The following SEPSECS variants were observed in gnomAD, a reference collection of about 807,000 sequenced individuals.
SEPSECS encodes the protein O-phosphoseryl-tRNA(Sec) selenium transferase.
In SEPSECS, 42 loss-of-function variants were observed where a neutral mutation model predicts 52.1. The observed-to-expected ratio is 0.81, with a 90% CI of 0.63 to 1.04. The LOEUF is 1.04. Ranked by LOEUF, SEPSECS falls within the 50% of genes least tolerant of loss-of-function variation. The pLI, the probability that SEPSECS is intolerant of heterozygous loss-of-function variation, is 0.00. For missense variants in SEPSECS, 590 were observed against 610.6 expected, an observed-to-expected ratio of 0.97 and a Z score of 0.36; for synonymous variants, 216 against 211.4, an observed-to-expected ratio of 1.02 and a Z score of -0.19.
rs2109022165 is a variant in SEPSECS, at chr4:25,145,035, T to G, written c.903A>C (p.Ser301=). The change falls in exon 7 of 11, where the codon TCA becomes TCC. Residue 301 remains serine (S), a synonymous_variant. Transcript: ENST00000382103. The stretch of plus-strand genomic sequence containing the variant: ...ACATCTTGCTGATTTCCTGAATGAA[T>G]GAATCATTAAAGCCAGCAATTATAG... The part of the protein sequence containing the change: ...GGAIIAGFND[S]FIQEISKMYP... 1.2e-6 allele frequency: 2 copies of G among 1,613,988 alleles called. No individual in the cohort carries two copies.
Position 25,144,776 on chromosome 4 carries a change from T to C in SEPSECS, c.1024A>G (p.Lys342Glu). The C allele has an allele frequency of 6.2e-7, 1 of 1,600,036 alleles. No homozygotes were observed. Among genetic ancestry groups the C allele is most frequent in the Non-Finnish European group, 8.6e-7 (1 of 1,167,606 alleles). Reference sequence around the variant, plus strand: ...CGACACCTAAAGGGAAAGCTTACCTTTCTTTCTTTTAGTAGCTTCTTATAG... The same window carrying C: ...CGACACCTAAAGGGAAAGCTTACCTCTCTTTCTTTTAGTAGCTTCTTATAG... ...NGYKKLLKERKEMFSYLSNQI... is the reference protein window; with the variant it reads ...NGYKKLLKEREEMFSYLSNQI... The change falls in exon 8 of 11, where the codon AAG (lysine) becomes GAG (glutamate). Residue 342 changes from lysine to glutamate, a missense_variant and splice_region_variant. Coordinates refer to ENST00000382103, the MANE Select transcript of SEPSECS (RefSeq NM_016955.4).
At chr4:25,157,003 CA>C (rs756042414) in intron 2 of SEPSECS, 29 bp from the exon 3 acceptor site, 5 of 1,114,480 alleles carry the variant, frequency 4.5e-6, no homozygotes, top group Non-Finnish European at 6.9e-6. Context: ...AAAAACTGGA[CA>C]AATACATTCA....
chr4:25,152,940 T>C (rs1355702867), intron 5 of SEPSECS, among the ~76,000 whole-genome samples: 2 of 152,006 alleles, frequency 1.3e-5, no homozygotes, highest in Non-Finnish European at 2.9e-5. Context: ...CAGGATATAC[T>C]TCAAATATAT....
chr4:25,126,570 G>A (rs1728382160), intron 9 of SEPSECS, among the ~76,000 whole-genome samples: 1 of 152,102 alleles, frequency 6.6e-6, no homozygotes, highest in South Asian at 2.1e-4. Flanking sequence ...CAATTTAAAA[G>A]GGGGTAATTA....
intron 8 of SEPSECS, among the ~76,000 whole-genome samples, chr4:25,139,443 G>A (rs1159842602): frequency 3.0e-5 from 4 of 132,698 alleles, no homozygotes; most frequent in Admixed American, 2.6e-4. Context: ...CTGGAGTGCA[G>A]TGGTGCAATC....
chr4:25,136,237 T>C (rs1240848777), intron 8 of SEPSECS, among the ~76,000 whole-genome samples: 2 of 152,150 alleles, frequency 1.3e-5, no homozygotes, highest in African/African-American at 4.8e-5. Flanking sequence ...TAAAGGGTAT[T>C]CAAATGGGAA....
intron 8 of SEPSECS, among the ~76,000 whole-genome samples, chr4:25,130,503 C>G (rs191935329): frequency 6.6e-6 from 1 of 151,898 alleles, no homozygotes; most frequent in Non-Finnish European, 1.5e-5. Context: ...TTTTAGACTA[C>G]GAGGATAACA....
chr4:25,159,395 T>C (rs1307345679), intron 1 of SEPSECS: 1 of 395,982 alleles, frequency 2.5e-6, no homozygotes, highest in East Asian at 5.4e-5. Context: ...ATACAACACA[T>C]CCCCAGTGAA....
chr4:25,123,940 A>C lies in SEPSECS; in HGVS notation c.1497T>G (p.Ala499=), dbSNP rs1446655592. ...DNVLLDTYQD[A]SS ...AGAAACCCTTCGCATGTCATGAAGA[A>C]GCATCCTGGTATGTGTCAAGAAGTA... Residue 499 remains alanine, a synonymous_variant, in exon 11 of 11, where the codon GCT becomes GCG. Coordinates refer to ENST00000382103, the MANE Select transcript of SEPSECS (RefSeq NM_016955.4). 1 of 1,613,194 alleles carries C rather than the reference A, an allele frequency of 6.2e-7. No homozygotes were observed. Among genetic ancestry groups the C allele is most frequent in the Non-Finnish European group, 8.5e-7 (1 of 1,179,204 alleles).
chr4:25,160,115 T>G (rs1309750679), intron 1 of SEPSECS, 141 bp downstream of exon 1: 4 of 1,462,674 alleles, frequency 2.7e-6, no homozygotes, highest in Non-Finnish European at 3.6e-6. Context: ...GTCGGTCAGC[T>G]AGGGCAAGCC....
At chr4:25,137,273 C>T (rs545625703) in intron 8 of SEPSECS, among the ~76,000 whole-genome samples, 5 of 152,284 alleles carry the variant, frequency 3.3e-5, no homozygotes, top group South Asian at 4.1e-4. Context: ...TCAGAGTGAA[C>T]TGACAACCTG....
chr4:25,150,932 G>A (rs1268907367), intron 6 of SEPSECS, among the ~76,000 whole-genome samples: 1 of 152,060 alleles, frequency 6.6e-6, no homozygotes, highest in African/African-American at 2.4e-5. Context: ...ACTTGAGCGT[G>A]GGAAGTTGAG....
chr4:25,132,715 A>C (rs1275480098), intron 8 of SEPSECS, among the ~76,000 whole-genome samples: 1 of 152,228 alleles, frequency 6.6e-6, no homozygotes, highest in Non-Finnish European at 1.5e-5. Flanking sequence ...AAAACCAATT[A>C]GTACATTAGA....
chr4:25,130,561 A>G (rs916666389), intron 8 of SEPSECS, among the ~76,000 whole-genome samples: 1 of 152,194 alleles, frequency 6.6e-6, no homozygotes, highest in East Asian at 1.9e-4. Flanking sequence ...AATTAGATTT[A>G]AAAAAATTTG....
intron 6 of SEPSECS, among the ~76,000 whole-genome samples, chr4:25,145,921 T>C (rs1711935486): frequency 1.3e-5 from 2 of 152,234 alleles, no homozygotes; most frequent in Admixed American, 1.3e-4. Flanking sequence ...CTAGAAGCAA[T>C]GTTTCTACAT....
chr4:25,124,215 G>C lies in SEPSECS; in HGVS notation c.1222C>G (p.Leu408Val), dbSNP rs752082832. Residue 408 changes from leucine (L) to valine (V), a missense_variant, in exon 11 of 11, where the codon CTT (leucine) becomes GTT (valine). By Grantham distance (32) the Leu-to-Val change is conservative. Transcript: ENST00000382103. ...RQVSGARVVP[L>V]GSMQTVSGYT... ...CCACTCACAGTTTGCATGGACCCAA[G>C]AGGCACAACCCTGAAAGAAGAAAGA... The C allele has an allele frequency of 3.7e-6, 6 of 1,613,156 alleles. No homozygotes were observed. In the African/African-American group the frequency reaches 8.0e-5, roughly 22 times the overall value.
At position 25,125,698 on chromosome 4, in the gene SEPSECS, C is replaced by G. The variant is rs748528815; in HGVS notation, c.1207G>C (p.Ala403Pro). ...ATCTATCTTAAACATACTTACCTGG[C>G]TCCAGAAACCTGTCTGGTAAAAAGC... ...SMLFTRQVSG[A>P]RVVPLGSMQT... Residue 403 changes from alanine (A) to proline (P), a missense_variant, in exon 10 of 11, where the codon GCC (alanine) becomes CCC (proline). Physicochemically the swap from Ala to Pro is conservative, Grantham distance 27. Transcript: ENST00000382103. 2 of 1,607,560 alleles carry G rather than the reference C, an allele frequency of 1.2e-6. No homozygotes were observed. Among genetic ancestry groups the G allele is most frequent in the Non-Finnish European group, 1.7e-6 (2 of 1,174,708 alleles).
chr4:25,123,967 A>G lies in SEPSECS; in HGVS notation c.1470T>C (p.Asn490=), dbSNP rs932874269. Residue 490 remains asparagine, a synonymous_variant, in exon 11 of 11, where the codon AAT becomes AAC. Coordinates refer to ENST00000382103, the MANE Select transcript of SEPSECS (RefSeq NM_016955.4). The stretch of plus-strand genomic sequence containing the variant: ...CATCCTGGTATGTGTCAAGAAGTAC[A>G]TTATCTAGTTTTAAAGCCATTTCTT... ...DIEEMALKLD[N]VLLDTYQDAS... 6.2e-7 allele frequency: 1 copy of G among 1,613,510 alleles called. No homozygotes were observed. Among genetic ancestry groups the G allele is most frequent in the African/African-American group, 1.3e-5 (1 of 74,890 alleles).
At chr4:25,133,243 C>G (rs1422277615) in intron 8 of SEPSECS, among the ~76,000 whole-genome samples, 1 of 152,260 alleles carries the variant, frequency 6.6e-6, no homozygotes, top group East Asian at 1.9e-4. Flanking sequence ...GTTTATTCTA[C>G]TCTACTCTAT....
Sources: gnomAD v4.1 joint callset for allele counts (sites outside exome capture counted in the v4.1 genomes callset) on GRCh38, gnomAD v4.1.1 for gene constraint, MANE v1.5 for transcripts, NCBI Gene and HGNC (gene_info 2026-07-23, HGNC 2026-07-21) for gene names.